AGBL1: variants seen among roughly 807,000 people sequenced by gnomAD.
The protein encoded by AGBL1 is cytosolic carboxypeptidase 4.
A neutral mutation model predicts 118.9 loss-of-function variants in AGBL1; 130 were observed. The observed-to-expected ratio is 1.09, with a 90% confidence interval of 0.95 to 1.26. The LOEUF is 1.26. Ranked by LOEUF, AGBL1 falls within the 50% of genes most tolerant of loss-of-function variation. The pLI is 0.00. For synonymous variants in AGBL1, 555 were observed against 478.9 expected (o/e 1.16, Z -2.08); for missense variants, 1,584 against 1,298.1 (o/e 1.22, Z -3.38).
intron 23 of AGBL1, among the ~76,000 whole-genome samples, chr15:86,965,984 C>G (rs1435846810): frequency 6.6e-6 from 1 of 151,938 alleles, no homozygotes; most frequent in Admixed American, 6.6e-5. Flanking sequence ...CACATGTACC[C>G]TAGAACTTAA....
At chr15:86,422,821 A>C (rs1007592500) in intron 18 of AGBL1, among the ~76,000 whole-genome samples, 18 of 152,228 alleles carry the variant, frequency 1.2e-4, no homozygotes, top group African/African-American at 4.3e-4. Context: ...AAATACCTCT[A>C]TGCAAATAAA....
intron 21 of AGBL1, among the ~76,000 whole-genome samples, chr15:86,579,744 T>C (rs2084148207): frequency 6.6e-6 from 1 of 152,172 alleles, no homozygotes; most frequent in African/African-American, 2.4e-5. Context: ...GGGAGACCAG[T>C]CAGAAGGCTT....
intron 24 of AGBL1, among the ~76,000 whole-genome samples, chr15:87,008,224 A>G (rs2081523665): frequency 6.6e-6 from 1 of 152,192 alleles, no homozygotes; most frequent in Non-Finnish European, 1.5e-5. Flanking sequence ...GATCTCATCT[A>G]GAATTCCCAT....
chr15:86,891,386 C>A (rs2080050129), intron 22 of AGBL1, among the ~76,000 whole-genome samples: 1 of 151,920 alleles, frequency 6.6e-6, no homozygotes, highest in Admixed American at 6.6e-5. Flanking sequence ...GTGAGATGGT[C>A]CCATCTCCCT....
intron 17 of AGBL1, among the ~76,000 whole-genome samples, chr15:86,321,366 T>TAA (rs1331349496): frequency 6.6e-6 from 1 of 152,192 alleles, no homozygotes; most frequent in Admixed American, 6.5e-5. Flanking sequence ...CTATTTAATC[T>TAA]GACTTTTAAC....
intron 22 of AGBL1, among the ~76,000 whole-genome samples, chr15:86,862,777 C>A (rs1301015470): frequency 6.6e-6 from 1 of 152,126 alleles, no homozygotes; most frequent in Non-Finnish European, 1.5e-5. Flanking sequence ...ACCATTTTGG[C>A]CACAAGCATT....
chr15:86,724,985 C>T (rs1331789827), intron 22 of AGBL1, among the ~76,000 whole-genome samples: 1 of 152,102 alleles, frequency 6.6e-6, no homozygotes, highest in African/African-American at 2.4e-5. Context: ...AATAACCCAG[C>T]CTCAAATATT....
chr15:86,860,384 CTTTT>C (rs1555457617), intron 22 of AGBL1, among the ~76,000 whole-genome samples: 1 of 151,376 alleles, frequency 6.6e-6, no homozygotes. Flanking sequence ...CAGAAATTTG[CTTTT>C]TCTCTTTTTC....
intron 23 of AGBL1, among the ~76,000 whole-genome samples, chr15:86,984,924 T>C (rs1282703700): frequency 6.6e-6 from 1 of 152,204 alleles, no homozygotes; most frequent in African/African-American, 2.4e-5. Context: ...CAACCGATGA[T>C]CTGCCTTCTG....
At chr15:86,694,734 T>C (rs111229429) in intron 22 of AGBL1, among the ~76,000 whole-genome samples, 1 of 152,068 alleles carries the variant, frequency 6.6e-6, no homozygotes, top group South Asian at 2.1e-4. Context: ...TGTGGGTTTA[T>C]GTAGATGGCT....
At chr15:86,760,753 A>G (rs1303843726) in intron 22 of AGBL1, among the ~76,000 whole-genome samples, 1 of 152,066 alleles carries the variant, frequency 6.6e-6, no homozygotes, top group Non-Finnish European at 1.5e-5. Flanking sequence ...TTCCTGACAG[A>G]TAAGGAAAGT....
intron 22 of AGBL1, among the ~76,000 whole-genome samples, chr15:86,861,851 A>C (rs1008421216): frequency 1.3e-5 from 2 of 152,238 alleles, no homozygotes; most frequent in Non-Finnish European, 2.9e-5. Flanking sequence ...AGTCAAACCA[A>C]CTATATGTCA....
intron 22 of AGBL1, among the ~76,000 whole-genome samples, chr15:86,874,957 C>A (rs1332076399): frequency 6.6e-6 from 1 of 152,032 alleles, no homozygotes. Context: ...TCTGGGCACT[C>A]CCTAAGGTGT....
intron 24 of AGBL1, among the ~76,000 whole-genome samples, chr15:86,996,813 A>G (rs8040154): frequency 0.098 from 14,916 of 152,186 alleles, 1,290 homozygotes; most frequent in African/African-American, 0.23. Flanking sequence ...TCATACTTTA[A>G]AAATTTTTAT....
chr15:86,603,890 T>C (rs922469933), intron 21 of AGBL1, among the ~76,000 whole-genome samples: 1 of 152,140 alleles, frequency 6.6e-6, no homozygotes, highest in Admixed American at 6.5e-5. Context: ...GTAGCAAATT[T>C]CCACTTTCTT....
chr15:86,883,784 T>C (rs986044667), intron 22 of AGBL1, among the ~76,000 whole-genome samples: 1 of 152,192 alleles, frequency 6.6e-6, no homozygotes, highest in African/African-American at 2.4e-5. Flanking sequence ...ACTAATGATA[T>C]ATGTTTGTTG....
At chr15:86,283,021 G>A (rs1028102657) in intron 16 of AGBL1, among the ~76,000 whole-genome samples, 14 of 152,116 alleles carry the variant, frequency 9.2e-5, no homozygotes, top group African/African-American at 2.7e-4. Flanking sequence ...ATATCTTCCA[G>A]ATGCTTGCCA....
intron 18 of AGBL1, among the ~76,000 whole-genome samples, chr15:86,464,091 T>C (rs748175610): frequency 6.6e-6 from 1 of 152,170 alleles, no homozygotes; most frequent in Non-Finnish European, 1.5e-5. Context: ...TGGTTTTCCA[T>C]TTGTTTGTGT....
intron 22 of AGBL1, among the ~76,000 whole-genome samples, chr15:86,729,888 G>A (rs1004656714): frequency 2.0e-5 from 3 of 152,082 alleles, no homozygotes; most frequent in Middle Eastern, 3.4e-3. Context: ...CATTCCCACC[G>A]GCAGTATATA....
Sources: allele counts gnomAD v4.1 joint callset (sites outside exome capture counted in the v4.1 genomes callset), GRCh38; gene constraint gnomAD v4.1.1; transcripts MANE v1.5; gene names NCBI Gene and HGNC (gene_info 2026-07-23, HGNC 2026-07-21).